The following STPG4 variants were observed in gnomAD, a reference collection of about 807,000 sequenced individuals.
The protein encoded by STPG4 is sperm-tail PG-rich repeat containing 4, also known as protein STPG4.
STPG4 carries 41 observed loss-of-function variants against 31.5 expected under a neutral mutation model. The observed-to-expected ratio is 1.30, with a 90% CI of 1.01 to 1.69. The LOEUF (loss-of-function observed/expected upper bound fraction) is 1.69, where lower values mean the gene tolerates loss of function less well. Ranked by LOEUF, STPG4 falls within the 40% of genes most tolerant of loss-of-function variation. The probability of loss-of-function intolerance (pLI) is 0.00; values close to 1 mark genes in which losing one functional copy is unlikely to be tolerated. For missense variants in STPG4, 375 were observed against 293.4 expected (o/e 1.28, Z -2.03); for synonymous variants, 141 against 103.0 (o/e 1.37, Z -2.24).
chr2:47,151,852 T>C (rs1423281637), intron 2 of STPG4, among the ~76,000 whole-genome samples: 4 of 151,876 alleles, frequency 2.6e-5, no homozygotes, highest in Non-Finnish European at 5.9e-5. Context: ...GCCATTCTCC[T>C]GCCTCAGCCT....
At chr2:47,110,027 T>C (rs1398177159) in intron 5 of STPG4, among the ~76,000 whole-genome samples, 3 of 145,910 alleles carry the variant, frequency 2.1e-5, no homozygotes, top group Non-Finnish European at 4.4e-5. Flanking sequence ...AGAAACGAAA[T>C]ATTTCTGACA....
intron 5 of STPG4, among the ~76,000 whole-genome samples, chr2:47,104,842 G>A (rs1685872780): frequency 1.3e-5 from 2 of 152,110 alleles, no homozygotes; most frequent in East Asian, 1.9e-4. Flanking sequence ...CCTACAGCAG[G>A]TCAAATATCT....
chr2:47,087,418 G>T (rs555935514), intron 6 of STPG4, among the ~76,000 whole-genome samples: 1 of 152,324 alleles, frequency 6.6e-6, no homozygotes, highest in African/African-American at 2.4e-5. Flanking sequence ...CATGCCACCT[G>T]CATCTCAAGG....
chr2:47,155,126 G>C (rs1687005083), intron 1 of STPG4, 45 bp downstream of exon 1: 3 of 1,583,830 alleles, frequency 1.9e-6, no homozygotes, highest in Non-Finnish European at 2.6e-6. Context: ...AGTGGGCCTG[G>C]TGAGGGGAGC....
At chr2:47,107,527 C>A (rs940869943) in intron 5 of STPG4, among the ~76,000 whole-genome samples, 1 of 152,170 alleles carries the variant, frequency 6.6e-6, no homozygotes, top group Non-Finnish European at 1.5e-5. Context: ...AGGGGCAGGG[C>A]TCAGGACCTG....
intron 5 of STPG4, among the ~76,000 whole-genome samples, chr2:47,124,482 A>G (rs750976119): frequency 9.9e-5 from 15 of 152,010 alleles, no homozygotes; most frequent in Admixed American, 7.9e-4. Flanking sequence ...TGATTGTTTT[A>G]TTAATAATTT....
intron 3 of STPG4, among the ~76,000 whole-genome samples, chr2:47,132,623 T>G (rs960653146): frequency 6.6e-5 from 10 of 152,326 alleles, no homozygotes; most frequent in African/African-American, 2.2e-4. Context: ...TCTTGTGTCA[T>G]TCTTGTGTCT....
chr2:47,151,797 G>C (rs915248248), intron 2 of STPG4, among the ~76,000 whole-genome samples: 1 of 151,670 alleles, frequency 6.6e-6, no homozygotes, highest in East Asian at 1.9e-4. Context: ...CTGGAGTGCA[G>C]TGGCACAATC....
intron 5 of STPG4, among the ~76,000 whole-genome samples, chr2:47,097,855 C>T (rs931447353): frequency 5.3e-5 from 8 of 151,744 alleles, no homozygotes; most frequent in East Asian, 3.9e-4. Context: ...CAGTGGCTCA[C>T]GCCTGTAATC....
At chr2:47,150,196 G>A (rs1336747090) in intron 3 of STPG4, among the ~76,000 whole-genome samples, 2 of 152,214 alleles carry the variant, frequency 1.3e-5, no homozygotes, top group Non-Finnish European at 2.9e-5. Flanking sequence ...CCACATAAAA[G>A]ACATGTATTA....
Position 47,087,084 on chromosome 2 carries a change from T to G in STPG4, c.671A>C (p.Lys224Thr). The G allele has an allele frequency of 6.4e-7, 1 of 1,551,832 alleles. No homozygotes were observed. Among genetic ancestry groups the G allele is most frequent in the Admixed American group, 2.0e-5 (1 of 51,014 alleles). Reference protein sequence around the residue: ...GAYTTLRQFPKQSPTIAKMGQ... With the variant: ...GAYTTLRQFPTQSPTIAKMGQ... ...CATTTTGGCTATGGTCGGAGACTGC[T>G]TAGGGAATTGTCTTAAAGTTGTATA... is the stretch of plus-strand genomic sequence containing the variant. The change falls in exon 7 of 7, where the codon AAG becomes ACG. Residue 224 changes from lysine to threonine, a missense_variant. Transcript: ENST00000445927.
At chr2:47,112,176 T>C (rs1167080579) in intron 5 of STPG4, among the ~76,000 whole-genome samples, 2 of 152,214 alleles carry the variant, frequency 1.3e-5, no homozygotes, top group Admixed American at 6.5e-5. Context: ...TGTTTTGTTG[T>C]TTGTTTTTGA....
At chr2:47,139,549 A>C (rs1231619734) in intron 3 of STPG4, among the ~76,000 whole-genome samples, 1 of 152,124 alleles carries the variant, frequency 6.6e-6, no homozygotes, top group Non-Finnish European at 1.5e-5. Flanking sequence ...CACCTTCTAC[A>C]AAATGGGTGG....
intron 5 of STPG4, among the ~76,000 whole-genome samples, chr2:47,125,167 T>A (rs1252841907): frequency 2.0e-5 from 3 of 152,232 alleles, no homozygotes; most frequent in African/African-American, 7.2e-5. Context: ...ATGCCTGTAA[T>A]TCCAGCACTT....
intron 3 of STPG4, among the ~76,000 whole-genome samples, chr2:47,144,021 A>G (rs1390461866): frequency 1.3e-5 from 2 of 152,278 alleles, no homozygotes; most frequent in African/African-American, 2.4e-5. Context: ...TCCCTGTCCC[A>G]CTAACTGTAG....
intron 5 of STPG4, among the ~76,000 whole-genome samples, chr2:47,111,590 T>C (rs76271754): frequency 0.026 from 4,005 of 152,270 alleles, 188 homozygotes; most frequent in African/African-American, 0.091. Context: ...GGTCTTGCAA[T>C]TTGTGAGGCT....
At chr2:47,109,515 C>G (rs993002719) in intron 5 of STPG4, among the ~76,000 whole-genome samples, 2 of 150,450 alleles carry the variant, frequency 1.3e-5, no homozygotes, top group African/African-American at 4.9e-5. Flanking sequence ...CGAGATCCTG[C>G]CACTGGACTC....
chr2:47,146,845 G>T, intron 3 of STPG4, among the ~76,000 whole-genome samples: 1 of 151,658 alleles, frequency 6.6e-6, no homozygotes, highest in Admixed American at 6.6e-5. Context: ...GGTTTGAAAA[G>T]AGGGGAGAGT....
intron 5 of STPG4, among the ~76,000 whole-genome samples, chr2:47,116,882 G>C (rs1053135643): frequency 6.6e-6 from 1 of 151,730 alleles, no homozygotes; most frequent in Non-Finnish European, 1.5e-5. Flanking sequence ...CCTACCTGTG[G>C]AGTTTCAGGC....
Sources: gnomAD v4.1 joint callset for allele counts (sites outside exome capture counted in the v4.1 genomes callset) on GRCh38, gnomAD v4.1.1 for gene constraint, MANE v1.5 for transcripts, NCBI Gene and HGNC (gene_info 2026-07-23, HGNC 2026-07-21) for gene names.